The following TOM1L1 variants were observed in gnomAD, a reference collection of about 807,000 sequenced individuals.
The protein encoded by TOM1L1 is target of myb1 like 1 membrane trafficking protein, also known as TOM1-like protein 1.
In TOM1L1, 64 loss-of-function variants were observed where a neutral mutation model predicts 63.4. The ratio of observed to expected loss-of-function variants is 1.01; its 90% CI spans 0.83 to 1.24. The LOEUF (loss-of-function observed/expected upper bound fraction) is 1.24. Among genes scored for constraint, TOM1L1 ranks in the 50% most tolerant of loss-of-function variants. The probability of loss-of-function intolerance (pLI) is 0.00; values close to 1 mark genes in which losing one functional copy is unlikely to be tolerated. For missense variants in TOM1L1, 536 were observed against 567.0 expected, an observed-to-expected ratio of 0.95 and a Z score of 0.55; for synonymous variants, 166 against 194.4, an observed-to-expected ratio of 0.85 and a Z score of 1.22.
At chr17:54,961,110 C>T in intron 15 of TOM1L1, 125 bp from the exon 16 acceptor site, 1 of 727,426 alleles carries the variant, frequency 1.4e-6, no homozygotes, top group South Asian at 1.6e-5. Flanking sequence ...GGAAGAAGCA[C>T]ATTCTTACCT....
chr17:54,919,345 C>T (rs1466132015), intron 7 of TOM1L1, among the ~76,000 whole-genome samples: 2 of 152,190 alleles, frequency 1.3e-5, no homozygotes, highest in African/African-American at 4.8e-5. Context: ...CTTCCTGGGC[C>T]TTTCAGAGCT....
intron 10 of TOM1L1, chr17:54,938,021 C>G (rs1014609339): frequency 2.6e-5 from 4 of 152,230 alleles, no homozygotes; most frequent in South Asian, 4.2e-4. Context: ...TAAAAATATT[C>G]AGTATCACTG....
At chr17:54,930,278 T>C in intron 8 of TOM1L1, 72 bp downstream of exon 8, 2 of 1,593,976 alleles carry the variant, frequency 1.3e-6, no homozygotes. Context: ...AGCATTCTTA[T>C]CAGAGTGCCT....
intron 7 of TOM1L1, among the ~76,000 whole-genome samples, chr17:54,924,034 C>T (rs1288643988): frequency 1.3e-5 from 2 of 151,900 alleles, no homozygotes; most frequent in African/African-American, 4.8e-5. Flanking sequence ...TCGTGTTGTT[C>T]CTTGCTGGAA....
At chr17:54,912,616 GA>G in intron 3 of TOM1L1, 49 bp from the exon 4 acceptor site, 1 of 1,424,752 alleles carries the variant, frequency 7.0e-7, no homozygotes, top group Non-Finnish European at 9.3e-7. Context: ...ACATTTTTAG[GA>G]GGTGGTTTTG....
intron 14 of TOM1L1, chr17:54,958,144 A>G (rs576395777): frequency 2.6e-5 from 4 of 152,346 alleles, no homozygotes; most frequent in African/African-American, 9.6e-5. Flanking sequence ...AAATGCTAAA[A>G]CCAAGAGTAA....
At position 54,915,737 on chromosome 17, in the gene TOM1L1, T is replaced by C. The variant is rs2048576520; in HGVS notation, c.604-9T>C. The C allele has an allele frequency of 1.3e-6, 2 of 1,589,494 alleles. No individual in the cohort carries two copies. Among genetic ancestry groups the C allele is most frequent in the South Asian group, 1.1e-5 (1 of 87,414 alleles). The stretch of plus-strand genomic sequence containing the variant: ...TCGCACTGACTGGTGATTGTGTTGC[T>C]CTCTACAGATTGGAAAACTGCACAG... On this transcript the variant is annotated splice_polypyrimidine_tract_variant and intron_variant, in intron 6 of 15. Coordinates refer to ENST00000575882, the MANE Select transcript of TOM1L1 (RefSeq NM_005486.3).
At chr17:54,947,864 A>G (rs1377085249) in intron 12 of TOM1L1, among the ~76,000 whole-genome samples, 1 of 152,168 alleles carries the variant, frequency 6.6e-6, no homozygotes, top group Non-Finnish European at 1.5e-5. Flanking sequence ...AATTTTTGAC[A>G]ACCTACAAGT....
intron 14 of TOM1L1, among the ~76,000 whole-genome samples, chr17:54,959,680 C>T (rs762826648): frequency 4.7e-5 from 7 of 150,270 alleles, no homozygotes; most frequent in African/African-American, 1.5e-4. Flanking sequence ...TGCAGTGGCA[C>T]GATCTCAGCT....
At chr17:54,902,375 C>T (rs1219671430) in intron 1 of TOM1L1, among the ~76,000 whole-genome samples, 6 of 152,216 alleles carry the variant, frequency 3.9e-5, no homozygotes, top group Admixed American at 2.0e-4. Flanking sequence ...CTGCAACCTC[C>T]GCCTACCGGG....
At chr17:54,960,997 T>C in intron 15 of TOM1L1, 1 of 559,906 alleles carries the variant, frequency 1.8e-6, no homozygotes, top group Non-Finnish European at 3.2e-6. Context: ...CAAATAGGTC[T>C]GAATTTTTCC....
intron 8 of TOM1L1, chr17:54,936,297 A>G (rs1413873827): frequency 1.1e-5 from 2 of 177,602 alleles, no homozygotes; most frequent in East Asian, 1.6e-4. Context: ...TCAGCTAGAA[A>G]AATTCTCACA....
intron 11 of TOM1L1, among the ~76,000 whole-genome samples, chr17:54,941,524 T>C (rs1669377265): frequency 1.3e-5 from 2 of 152,356 alleles, no homozygotes; most frequent in South Asian, 2.1e-4. Flanking sequence ...TGTAGGCAGA[T>C]TGAAGTCGCT....
At chr17:54,927,609 G>A (rs1420926556) in intron 7 of TOM1L1, among the ~76,000 whole-genome samples, 2 of 152,130 alleles carry the variant, frequency 1.3e-5, no homozygotes, top group African/African-American at 2.4e-5. Context: ...AGGCAATTCC[G>A]GGGTCTCCGT....
At chr17:54,955,156 T>G (rs1332345631) in intron 14 of TOM1L1, 4 of 152,210 alleles carry the variant, frequency 2.6e-5, no homozygotes, top group African/African-American at 9.7e-5. Flanking sequence ...TGAATACTTC[T>G]GGTCCTCTTT....
chr17:54,901,555 C>A lies in TOM1L1; in HGVS notation c.58+632C>A, dbSNP rs896521637. 1.2e-4 allele frequency among the ~76,000 whole-genome samples: 18 copies of A among 152,284 alleles called. No individual in the cohort carries two copies. The East Asian group carries it at 3.5e-3, about 29-fold the overall frequency. On this transcript the variant is annotated intron_variant, in intron 1 of 15. Transcript: ENST00000575882. ...GCATCCACCTAAATGATTTCTCTCT[C>A]CTCCGGATGTACCTTGCATGATGTA...
rs1215660682 is a variant in TOM1L1, at chr17:54,938,983, A to T, written c.1093A>T (p.Met365Leu). The change falls in exon 11 of 16, where the codon ATG becomes TTG. Residue 365 changes from methionine (M) to leucine (L), a missense_variant. Coordinates refer to ENST00000575882, the MANE Select transcript of TOM1L1 (RefSeq NM_005486.3). ...NNLKPSLHPQ[M>L]NLLALENTEI... is the part of the protein sequence containing the mutation. ...CTTAAAACCCAGTCTTCATCCACAG[A>T]TGAACTTGCTAGCCTTGGAGAATAC... The T allele has an allele frequency of 6.2e-7, 1 of 1,613,096 alleles. No homozygotes were observed. The highest frequency in any genetic ancestry group is 8.5e-7 in the Non-Finnish European group (1 of 1,179,418).
At chr17:54,904,945 C>T (rs1188786513) in intron 2 of TOM1L1, among the ~76,000 whole-genome samples, 4 of 152,142 alleles carry the variant, frequency 2.6e-5, no homozygotes, top group Admixed American at 2.6e-4. Context: ...CCTCTGGGAA[C>T]ATTTTCATTG....
chr17:54,947,201 A>G (rs1045776785), intron 11 of TOM1L1, 60 bp from the exon 12 acceptor site: 2 of 1,534,578 alleles, frequency 1.3e-6, no homozygotes, highest in African/African-American at 1.4e-5. Context: ...AAATTATCTT[A>G]CTTTTTGCAT....
Sources: allele counts gnomAD v4.1 joint callset (sites outside exome capture counted in the v4.1 genomes callset), GRCh38; gene constraint gnomAD v4.1.1; transcripts MANE v1.5; gene names NCBI Gene and HGNC (gene_info 2026-07-23, HGNC 2026-07-21).